The following ARHGEF16 variants were observed in gnomAD, a reference collection of about 807,000 sequenced individuals.
ARHGEF16 encodes the protein Rho guanine exchange factor (GEF) 16.
A neutral mutation model predicts 74.1 loss-of-function variants in ARHGEF16; 59 were observed. The observed-to-expected ratio is 0.80, with a 90% CI of 0.65 to 0.99. The LOEUF is 0.99. Among genes scored for constraint, ARHGEF16 ranks in the 50% least tolerant of loss-of-function variants. ARHGEF16 has a pLI of 0.00. For synonymous variants in ARHGEF16, 415 were observed against 412.6 expected, an observed-to-expected ratio of 1.01 and a Z score of -0.07; for missense variants, 948 against 986.6, an observed-to-expected ratio of 0.96 and a Z score of 0.52.
chr1:3,474,458 G>A (rs2493322), intron 8 of ARHGEF16: 416,900 of 452,634 alleles, frequency 0.92, 192,780 homozygotes, highest in South Asian at 0.97. Flanking sequence ...GGAGATGGCC[G>A]AGGATGGGAA....
intron 9 of ARHGEF16, among the ~76,000 whole-genome samples, chr1:3,474,994 C>T (rs111938244): frequency 1.5e-4 from 21 of 143,502 alleles, no homozygotes; most frequent in Middle Eastern, 3.5e-3. Context: ...CCTTTCACAG[C>T]GCTGACAGGG....
chr1:3,465,934 A>C, intron 2 of ARHGEF16: 1 of 576,362 alleles, frequency 1.7e-6, no homozygotes, highest in Non-Finnish European at 3.1e-6. Flanking sequence ...TCCTCCTCCA[A>C]GCAGCCCTCA....
Position 3,474,105 on chromosome 1 carries a change from C to T in ARHGEF16, c.1305+583C>T, listed in dbSNP as rs542837992. The T allele has an allele frequency of 2.1e-3, 406 of 190,940 alleles. 1 individual carries two copies. The highest frequency in any genetic ancestry group is 3.3e-3 in the Non-Finnish European group (302 of 91,506). The allele number at this position is 190,940 out of a possible 1,614,324, so 11.8% of individuals were successfully genotyped here. ...ATGGATGCACGCCAGTACACACATG[C>T]ATGCACACTTGCACACACTGCATTG... On this transcript the variant is annotated intron_variant, in intron 8 of 14. Coordinates refer to ENST00000378378, the MANE Select transcript of ARHGEF16 (RefSeq NM_014448.4).
Position 3,478,392 on chromosome 1 carries a change from G to A in ARHGEF16, c.1626-32G>A, listed in dbSNP as rs372412884. On this transcript the variant is annotated intron_variant, in intron 11 of 14. Coordinates refer to ENST00000378378, the MANE Select transcript of ARHGEF16 (RefSeq NM_014448.4). ...GCAGCACTGGGTAGGAGCTGGGTGG[G>A]ACCGTCCCACCGACTGCCCGTGTCT... The A allele has an allele frequency of 6.9e-4, 1,076 of 1,562,790 alleles. 1 individual carries two copies. Among genetic ancestry groups the A allele is most frequent in the Non-Finnish European group, 9.0e-4 (1,033 of 1,148,754 alleles).
At chr1:3,468,056 G>A (rs905506283) in intron 4 of ARHGEF16, among the ~76,000 whole-genome samples, 17 of 152,160 alleles carry the variant, frequency 1.1e-4, no homozygotes, top group Non-Finnish European at 2.2e-4. Context: ...TGGGGTGAGG[G>A]CAGGCAGCGG....
intron 1 of ARHGEF16, among the ~76,000 whole-genome samples, chr1:3,460,036 T>A (rs989407938): frequency 6.6e-6 from 1 of 152,238 alleles, no homozygotes; most frequent in South Asian, 2.1e-4. Flanking sequence ...AAACGGTGTC[T>A]GTGTCTTCAT....
In ARHGEF16 at chr1:3,480,851, C is replaced by CCT. The variant is rs56102150; in HGVS notation, c.*266_*267dup. ...CCTATTCCCGTTGGCTGGCTGGGCCCCTCAGCTGCTGGGCCCCACCTCCCC... is the reference window on the plus strand; with the variant it reads ...CCTATTCCCGTTGGCTGGCTGGGCCCCTCTCAGCTGCTGGGCCCCACCTCCCC... On this transcript the variant is annotated 3_prime_UTR_variant, in exon 15 of 15. Coordinates refer to ENST00000378378, the MANE Select transcript of ARHGEF16 (RefSeq NM_014448.4). 528,524 of 535,224 alleles carry CCT rather than the reference C, an allele frequency of 0.99. 261,250 individuals are homozygous for CCT. Among genetic ancestry groups the CCT allele is most frequent in the East Asian group, 1 (30,858 of 30,860 alleles). 33.2% of individuals were successfully genotyped at this position (535,224 alleles called of 1,614,324 possible).
Position 3,479,811 on chromosome 1 carries a change from G to C in ARHGEF16, c.1889-1G>C, listed in dbSNP as rs1316913032. Reference sequence around the variant, plus strand: ...CCTGTGATGGCCACTGCCCTATGCAGACCTGCCCCAGGTGGAGATCACCAA... The same window carrying C: ...CCTGTGATGGCCACTGCCCTATGCACACCTGCCCCAGGTGGAGATCACCAA... On this transcript the variant is annotated splice_acceptor_variant, in intron 13 of 14. Coordinates refer to ENST00000378378, the MANE Select transcript of ARHGEF16 (RefSeq NM_014448.4). LOFTEE classifies it high-confidence loss of function. 1 of 1,611,964 alleles carries C rather than the reference G, an allele frequency of 6.2e-7. No homozygotes were observed. The highest frequency in any genetic ancestry group is 1.7e-5 in the Admixed American group (1 of 60,024).
At chr1:3,474,249 A>C in intron 8 of ARHGEF16, 1 of 210,164 alleles carries the variant, frequency 4.8e-6, no homozygotes, top group Non-Finnish European at 9.7e-6. Flanking sequence ...ATGCATGCAC[A>C]TGGTGCACAG....
At chr1:3,462,974 C>T (rs183537374) in intron 1 of ARHGEF16, 92 bp from the exon 2 acceptor site, 53 of 913,672 alleles carry the variant, frequency 5.8e-5, no homozygotes, top group Non-Finnish European at 8.1e-5. Flanking sequence ...ACTGGAGCCC[C>T]GGCCAGACAT....
intron 6 of ARHGEF16, chr1:3,472,709 T>G: frequency 5.7e-6 from 1 of 174,494 alleles, no homozygotes; most frequent in East Asian, 1.6e-4. Context: ...TGGAAGGAGC[T>G]TGAAGGGCGA....
At chr1:3,477,669 G>A (rs762426450) in intron 10 of ARHGEF16, among the ~76,000 whole-genome samples, 29 of 151,832 alleles carry the variant, frequency 1.9e-4, no homozygotes, top group African/African-American at 4.1e-4. Flanking sequence ...CCGGCCTGGC[G>A]CACCTCGATT....
At chr1:3,457,534 C>T (rs976386843) in intron 1 of ARHGEF16, among the ~76,000 whole-genome samples, 7 of 152,224 alleles carry the variant, frequency 4.6e-5, no homozygotes, top group Non-Finnish European at 8.8e-5. Context: ...ACGGGGCTGG[C>T]GCCCACTAGA....
chr1:3,473,504 G>A lies in ARHGEF16; in HGVS notation c.1287G>A (p.Arg429=). The change falls in exon 8 of 15, where the codon CGG becomes CGA. Residue 429 remains arginine, a synonymous_variant. Coordinates refer to ENST00000378378, the MANE Select transcript of ARHGEF16 (RefSeq NM_014448.4). ...FLILPMQRVT[R]LPLLMDTLCL... is the part of the protein sequence containing the mutation. ...TCCTCCCCATGCAGCGGGTGACCCG[G>A]CTGCCCCTCCTGATGGATGTAAGTC... 1 of 1,609,964 alleles carries A rather than the reference G, an allele frequency of 6.2e-7. No individual in the cohort carries two copies. The highest frequency in any genetic ancestry group is 1.6e-4 in the Middle Eastern group (1 of 6,062).
chr1:3,472,021 C>T (rs539462115), intron 6 of ARHGEF16, among the ~76,000 whole-genome samples: 10 of 152,334 alleles, frequency 6.6e-5, no homozygotes, highest in South Asian at 6.2e-4. Context: ...CTGCAGGAAG[C>T]GTGGCTCCTG....
intron 1 of ARHGEF16, among the ~76,000 whole-genome samples, chr1:3,455,093 CTG>C (rs1639236968): frequency 6.6e-6 from 1 of 151,922 alleles, no homozygotes; most frequent in Non-Finnish European, 1.5e-5. Flanking sequence ...CGCTCGCTCG[CTG>C]CCCTCTCTTG....
At chr1:3,474,834 T>TTGC in intron 9 of ARHGEF16, 52 bp downstream of exon 9, 1 of 1,528,030 alleles carries the variant, frequency 6.5e-7, no homozygotes, top group Non-Finnish European at 9.0e-7. Context: ...CCCGACCCTG[T>TTGC]CCCCACCCAA....
chr1:3,468,011 C>T (rs187362928), intron 4 of ARHGEF16, among the ~76,000 whole-genome samples: 88 of 152,252 alleles, frequency 5.8e-4, no homozygotes, highest in South Asian at 4.8e-3. Context: ...CATGGTGCTG[C>T]GTACCCTGGG....
At chr1:3,469,196 G>A (rs1027564521) in intron 5 of ARHGEF16, among the ~76,000 whole-genome samples, 3 of 152,190 alleles carry the variant, frequency 2.0e-5, no homozygotes, top group Non-Finnish European at 2.9e-5. Context: ...TGACAAGGAC[G>A]GGGGTCGTTG....
Sources: allele counts gnomAD v4.1 joint callset (sites outside exome capture counted in the v4.1 genomes callset), GRCh38; gene constraint gnomAD v4.1.1; transcripts MANE v1.5; gene names NCBI Gene and HGNC (gene_info 2026-07-23, HGNC 2026-07-21).